GAPVD1: variants seen among roughly 807,000 people sequenced by gnomAD.
GAPVD1 encodes the protein GTPase-activating protein and VPS9 domain-containing protein 1.
In GAPVD1, 35 loss-of-function variants were observed where a neutral mutation model predicts 155.5. The ratio of observed to expected loss-of-function variants is 0.23; its 90% CI spans 0.17 to 0.30. The LOEUF is 0.30. Ranked by LOEUF, GAPVD1 falls within the 10% of genes least tolerant of loss-of-function variation. GAPVD1 has a pLI of 1.00. For synonymous variants in GAPVD1, 636 were observed against 619.7 expected (o/e 1.03, Z -0.39); for missense variants, 1,429 against 1,775.7 (o/e 0.80, Z 3.51).
Position 125,362,729 on chromosome 9 carries a change from A to G in GAPVD1, c.4366A>G (p.Ile1456Val). The G allele has an allele frequency of 1.9e-6, 3 of 1,613,684 alleles. No individual in the cohort carries two copies. Among genetic ancestry groups the G allele is most frequent in the South Asian group, 2.2e-5 (2 of 90,988 alleles). The change falls in exon 28 of 28, where the codon ATC becomes GTC. Residue 1456 changes from isoleucine to valine, a missense_variant. By Grantham distance (29) the Ile-to-Val change is conservative (BLOSUM62 3). Coordinates refer to ENST00000297933, the MANE Select transcript of GAPVD1 (RefSeq NM_001282680.3). ...AGCAGCAGTAGAATTCATTAAAACCATCGATGACCGAAAGTGACCAAGACC... is the reference window on the plus strand; with the variant it reads ...AGCAGCAGTAGAATTCATTAAAACCGTCGATGACCGAAAGTGACCAAGACC... ...FTAAVEFIKT[I>V]DDRK
At chr9:125,303,498 C>T (rs1220373213) in intron 5 of GAPVD1, among the ~76,000 whole-genome samples, 17 of 147,760 alleles carry the variant, frequency 1.2e-4, no homozygotes, top group Admixed American at 6.9e-4. Flanking sequence ...AAAAATTGGC[C>T]GGGTGCGGTG....
chr9:125,301,891 C>A, intron 4 of GAPVD1, 92 bp from the exon 5 acceptor site: 2 of 1,040,292 alleles, frequency 1.9e-6, no homozygotes, highest in Non-Finnish European at 2.7e-6. Context: ...GGACCATAAT[C>A]AACTCACATA....
At chr9:125,347,933 T>C (rs1455531032) in intron 20 of GAPVD1, among the ~76,000 whole-genome samples, 1 of 152,096 alleles carries the variant, frequency 6.6e-6, no homozygotes, top group Non-Finnish European at 1.5e-5. Flanking sequence ...GCAGAAGAAT[T>C]GAAAGAATAA....
chr9:125,341,236 A>T lies in GAPVD1; in HGVS notation c.2937A>T (p.Arg979Ser). 1 of 1,594,032 alleles carries T rather than the reference A, an allele frequency of 6.3e-7. No homozygotes were observed. Among genetic ancestry groups the T allele is most frequent in the Non-Finnish European group, 8.6e-7 (1 of 1,164,684 alleles). Residue 979 changes from arginine to serine, a missense_variant, in exon 18 of 28, where the codon AGA (arginine) becomes AGT (serine). By Grantham distance (110) the Arg-to-Ser change is moderately radical. Around this residue, in one of 4 missense-constraint regions of GAPVD1, gnomAD observed 699 missense variants for 826.0 expected, o/e 0.85. Coordinates refer to ENST00000297933, the MANE Select transcript of GAPVD1 (RefSeq NM_001282680.3). ...CAGACAGGAACAGACCTTGGTGGAG[A>T]AAACGTTTTGTTTCAGCCATGCCTA... is the stretch of plus-strand genomic sequence containing the variant. Reference protein sequence around the residue: ...EKSDRNRPWWRKRFVSAMPKA... With the variant: ...EKSDRNRPWWSKRFVSAMPKA...
intron 8 of GAPVD1, among the ~76,000 whole-genome samples, chr9:125,311,269 TTCTC>T (rs201105735): frequency 6.6e-6 from 1 of 152,202 alleles, no homozygotes; most frequent in Non-Finnish European, 1.5e-5. Flanking sequence ...TAAATAAATT[TTCTC>T]TCTTTTATCT....
chr9:125,362,800 T>G lies in GAPVD1; in HGVS notation c.*54T>G. 6.5e-7 allele frequency: 1 copy of G among 1,548,350 alleles called. No individual in the cohort carries two copies. Among genetic ancestry groups the G allele is most frequent in the Non-Finnish European group, 8.8e-7 (1 of 1,131,056 alleles). On this transcript the variant is annotated 3_prime_UTR_variant, in exon 28 of 28. Coordinates refer to ENST00000297933, the MANE Select transcript of GAPVD1 (RefSeq NM_001282680.3). The stretch of plus-strand genomic sequence containing the variant: ...ACTGTTAATCAGACAAACAGATCTC[T>G]GAGAAGGTGCATCAGCTGCTTTGAA...
At chr9:125,330,963 A>G (rs148781320) in intron 13 of GAPVD1, among the ~76,000 whole-genome samples, 7 of 148,772 alleles carry the variant, frequency 4.7e-5, no homozygotes, top group African/African-American at 1.3e-4. Flanking sequence ...ATACGTTGAA[A>G]TTGAGATTCT....
chr9:125,283,240 G>T (rs1837094699), intron 2 of GAPVD1, among the ~76,000 whole-genome samples: 1 of 151,730 alleles, frequency 6.6e-6, no homozygotes, highest in Admixed American at 6.6e-5. Context: ...TGTATTTTTA[G>T]TCGAGACTGG....
At chr9:125,336,793 A>C (rs766334361) in intron 15 of GAPVD1, 2 of 516,778 alleles carry the variant, frequency 3.9e-6, no homozygotes, top group Non-Finnish European at 6.9e-6. Context: ...AGGCATGTAG[A>C]TGCCAGACCA....
At chr9:125,325,790 A>G (rs1269983129) in intron 11 of GAPVD1, among the ~76,000 whole-genome samples, 1 of 152,236 alleles carries the variant, frequency 6.6e-6, no homozygotes, top group Non-Finnish European at 1.5e-5. Flanking sequence ...CAAGTAATAA[A>G]GTAGTACCTC....
intron 23 of GAPVD1, among the ~76,000 whole-genome samples, chr9:125,352,929 A>G (rs1011877194): frequency 2.0e-5 from 3 of 152,016 alleles, no homozygotes; most frequent in Non-Finnish European, 2.9e-5. Context: ...TGACATGGTG[A>G]AACTCTGTCT....
intron 2 of GAPVD1, among the ~76,000 whole-genome samples, chr9:125,292,821 T>G (rs1838832552): frequency 6.6e-6 from 1 of 152,188 alleles, no homozygotes; most frequent in African/African-American, 2.4e-5. Context: ...TATGGAGTAT[T>G]AATTAAGGGG....
intron 3 of GAPVD1, among the ~76,000 whole-genome samples, chr9:125,297,462 C>T (rs1387263000): frequency 3.3e-5 from 5 of 152,222 alleles, no homozygotes; most frequent in South Asian, 2.1e-4. Context: ...TCTAAATACA[C>T]GTTTGAGTGG....
At chr9:125,326,395 G>A (rs758734823) in intron 11 of GAPVD1, 21 bp from the exon 12 acceptor site, 1 of 1,561,600 alleles carries the variant, frequency 6.4e-7, no homozygotes, top group East Asian at 2.2e-5. Flanking sequence ...TTTTAAAAGT[G>A]CTTAATTTTG....
chr9:125,362,373 A>T lies in GAPVD1; in HGVS notation c.4243-233A>T, dbSNP rs75970184. Among the ~76,000 whole-genome samples the T allele has an allele frequency of 5.0e-3, 756 of 152,280 alleles. 9 individuals are homozygous for T. The highest frequency in any genetic ancestry group is 0.017 in the African/African-American group (709 of 41,548). ...TCAGTGAGGTTAAGGACTTGCAAGGATAGAAACCTCTAGATAGATTAGCTG... is the reference window on the plus strand; with the variant it reads ...TCAGTGAGGTTAAGGACTTGCAAGGTTAGAAACCTCTAGATAGATTAGCTG... On this transcript the variant is annotated intron_variant, in intron 27 of 27. Transcript: ENST00000297933.
chr9:125,359,302 A>G, intron 25 of GAPVD1, 118 bp from the exon 26 acceptor site: 1 of 712,624 alleles, frequency 1.4e-6, no homozygotes, highest in South Asian at 1.6e-5. Context: ...ATCCATATCT[A>G]GCTGTAATCC....
intron 20 of GAPVD1, among the ~76,000 whole-genome samples, chr9:125,349,062 T>C (rs1474297774): frequency 6.6e-6 from 1 of 152,238 alleles, no homozygotes; most frequent in Non-Finnish European, 1.5e-5. Context: ...GAAGCCTCTT[T>C]TAGTTCTCTG....
chr9:125,351,355 C>A (rs185492132), intron 23 of GAPVD1, among the ~76,000 whole-genome samples: 9 of 152,246 alleles, frequency 5.9e-5, no homozygotes, highest in Admixed American at 1.3e-4. Flanking sequence ...ATCTTTCTGC[C>A]CCTTGCTTCT....
chr9:125,298,965 A>G lies in GAPVD1; in HGVS notation c.44A>G (p.Gln15Arg). The change falls in exon 4 of 28, where the codon CAG becomes CGG. Residue 15 changes from glutamine to arginine, a missense_variant. This residue lies in a region of GAPVD1 where 628 missense variants were observed against 733.4 expected (regional missense o/e 0.86). Transcript: ENST00000297933. ...DIHTLAHHLK[Q>R]ERLYVNSEKQ... is the part of the protein sequence containing the mutation. Reference sequence around the variant, plus strand: ...CATACTCTGGCTCATCACCTCAAGCAGGAACGCTTATATGTAAACTCTGAG... The same window carrying G: ...CATACTCTGGCTCATCACCTCAAGCGGGAACGCTTATATGTAAACTCTGAG... 1 of 1,612,142 alleles carries G rather than the reference A, an allele frequency of 6.2e-7. No individual in the cohort carries two copies. The highest frequency in any genetic ancestry group is 2.2e-5 in the East Asian group (1 of 44,866).
Sources: gnomAD v4.1 joint callset for allele counts (sites outside exome capture counted in the v4.1 genomes callset) on GRCh38, gnomAD v4.1.1 for gene constraint, gnomAD v4.1.1 regional missense constraint, MANE v1.5 for transcripts, NCBI Gene and HGNC (gene_info 2026-07-23, HGNC 2026-07-21) for gene names.